The following UTRN variants were observed in gnomAD, a reference collection of about 807,000 sequenced individuals.
UTRN encodes the protein utrophin.
A neutral mutation model predicts 463.9 loss-of-function variants in UTRN; 283 were observed. That is an observed-to-expected ratio of 0.61 (90% CI 0.55 to 0.67). The LOEUF (loss-of-function observed/expected upper bound fraction) is 0.67. UTRN is among the 30% of genes least tolerant of loss of function. UTRN has a pLI of 0.00. For missense variants in UTRN, 3,922 were observed against 4,084.3 expected, an observed-to-expected ratio of 0.96 and a Z score of 1.08; for synonymous variants, 1,442 against 1,431.5, an observed-to-expected ratio of 1.01 and a Z score of -0.17.
At chr6:144,357,116 C>T (rs545909073) in intron 2 of UTRN, among the ~76,000 whole-genome samples, 88 of 152,180 alleles carry the variant, frequency 5.8e-4, no homozygotes, top group African/African-American at 2.0e-3. Context: ...ACTGCAGCCT[C>T]GAGAAAGGTT....
intron 2 of UTRN, among the ~76,000 whole-genome samples, chr6:144,325,542 G>A (rs1488313925): frequency 6.6e-6 from 1 of 152,196 alleles, no homozygotes; most frequent in African/African-American, 2.4e-5. Flanking sequence ...TTCTGTTGCA[G>A]TAGCATAGAA....
At chr6:144,293,614 T>A (rs1804435697) in intron 2 of UTRN, among the ~76,000 whole-genome samples, 1 of 152,106 alleles carries the variant, frequency 6.6e-6, no homozygotes, top group Admixed American at 6.5e-5. Flanking sequence ...ATAGAAAACA[T>A]TGTAAACACC....
At chr6:144,746,474 A>AT (rs1442835917) in intron 54 of UTRN, among the ~76,000 whole-genome samples, 19 of 151,738 alleles carry the variant, frequency 1.3e-4, no homozygotes, top group Admixed American at 6.6e-5. Flanking sequence ...TAATTCACTT[A>AT]TTTTTTTATT....
intron 2 of UTRN, among the ~76,000 whole-genome samples, chr6:144,323,768 A>T (rs913239900): frequency 6.6e-6 from 1 of 152,230 alleles, no homozygotes; most frequent in Non-Finnish European, 1.5e-5. Context: ...GGATTAATCA[A>T]ACTGGCTGTA....
At chr6:144,645,967 G>A (rs1778255643) in intron 51 of UTRN, among the ~76,000 whole-genome samples, 2 of 152,066 alleles carry the variant, frequency 1.3e-5, no homozygotes, top group South Asian at 2.1e-4. Flanking sequence ...ACACTCTAGG[G>A]GTTCATTTCT....
chr6:144,728,584 A>G lies in UTRN; in HGVS notation c.7810-1773A>G, dbSNP rs190680675. Among the ~76,000 whole-genome samples, 89 of 118,310 alleles carry G rather than the reference A, an allele frequency of 7.5e-4. 1 individual carries two copies. Among genetic ancestry groups the G allele is most frequent in the African/African-American group, 2.9e-3 (87 of 30,398 alleles). 77.6% of individuals were successfully genotyped at this position (118,310 alleles called of 152,430 possible). ...TTTGTTATCCCCGCCCCCACCCACCAACATAGTCATTTAATGCTCATCAGT... is the reference window on the plus strand; with the variant it reads ...TTTGTTATCCCCGCCCCCACCCACCGACATAGTCATTTAATGCTCATCAGT... On this transcript the variant is annotated intron_variant, in intron 53 of 74. Transcript: ENST00000367545.
At chr6:144,741,226 G>C (rs1790036059) in intron 54 of UTRN, among the ~76,000 whole-genome samples, 1 of 152,130 alleles carries the variant, frequency 6.6e-6, no homozygotes, top group Admixed American at 6.5e-5. Context: ...TTATAAGAAT[G>C]GCAGAGCATG....
At chr6:144,770,922 G>C (rs1793935814) in intron 58 of UTRN, among the ~76,000 whole-genome samples, 1 of 152,036 alleles carries the variant, frequency 6.6e-6, no homozygotes. Flanking sequence ...AGGAAAGTTC[G>C]ACTCAAGGTA....
intron 51 of UTRN, among the ~76,000 whole-genome samples, chr6:144,627,698 A>AT (rs1776088153): frequency 6.6e-6 from 1 of 151,972 alleles, no homozygotes; most frequent in Non-Finnish European, 1.5e-5. Context: ...TACAAGTGGA[A>AT]TTATACAATA....
At chr6:144,656,496 C>T (rs887866628) in intron 51 of UTRN, among the ~76,000 whole-genome samples, 4 of 152,178 alleles carry the variant, frequency 2.6e-5, no homozygotes, top group African/African-American at 9.7e-5. Context: ...ACTGCAGCTT[C>T]GACCTTCTGG....
At chr6:144,427,192 G>T (rs1785371295) in intron 7 of UTRN, among the ~76,000 whole-genome samples, 1 of 152,038 alleles carries the variant, frequency 6.6e-6, no homozygotes, top group Non-Finnish European at 1.5e-5. Flanking sequence ...TTGGACAATT[G>T]ATTACCCATA....
At chr6:144,301,999 C>T (rs940385604) in intron 2 of UTRN, among the ~76,000 whole-genome samples, 3 of 152,164 alleles carry the variant, frequency 2.0e-5, no homozygotes, top group Non-Finnish European at 4.4e-5. Flanking sequence ...CTCCCTGCGT[C>T]CCCAGTTTTG....
At chr6:144,640,893 T>C (rs2128661325) in intron 51 of UTRN, among the ~76,000 whole-genome samples, 1 of 152,334 alleles carries the variant, frequency 6.6e-6, no homozygotes, top group Admixed American at 6.5e-5. Flanking sequence ...CAGAAGTTCC[T>C]GAACAAAGAA....
intron 2 of UTRN, among the ~76,000 whole-genome samples, chr6:144,383,163 C>T (rs1781085006): frequency 6.6e-6 from 1 of 151,930 alleles, no homozygotes; most frequent in Non-Finnish European, 1.5e-5. Context: ...AACTCCTGGG[C>T]TCAAGTGATC....
Position 144,548,751 on chromosome 6 carries a change from C to G in UTRN, c.6707C>G (p.Thr2236Arg). The part of the protein sequence containing the change: ...SIPADLDKTI[T>R]ELADWLVLID... ...CCTGCTGATCTTGATAAAACTATAACAGAACTAGCCGACTGGCTGGTATTA... is the reference window on the plus strand; with the variant it reads ...CCTGCTGATCTTGATAAAACTATAAGAGAACTAGCCGACTGGCTGGTATTA... Residue 2236 changes from threonine to arginine, a missense_variant, in exon 47 of 75, where the codon ACA becomes AGA. Thr to Arg is a moderately conservative substitution (Grantham distance 71). This residue lies in a region of UTRN where 2,349 missense variants were observed against 2,303.8 expected (regional missense o/e 1.02). Transcript: ENST00000367545. The G allele has an allele frequency of 6.2e-7, 1 of 1,613,996 alleles. No individual in the cohort carries two copies. Among genetic ancestry groups the G allele is most frequent in the South Asian group, 1.1e-5 (1 of 91,076 alleles).
intron 69 of UTRN, among the ~76,000 whole-genome samples, chr6:144,832,346 C>A (rs1403973014): frequency 3.9e-5 from 6 of 152,060 alleles, no homozygotes; most frequent in Non-Finnish European, 1.5e-5. Context: ...CTTCCAGATA[C>A]CATAATGAAA....
chr6:144,334,505 G>A (rs942827592), intron 2 of UTRN, among the ~76,000 whole-genome samples: 1 of 152,056 alleles, frequency 6.6e-6, no homozygotes, highest in African/African-American at 2.4e-5. Context: ...GCGTGGGTTT[G>A]TGCCCGAGTT....
At chr6:144,732,483 G>A (rs1788801775) in intron 54 of UTRN, among the ~76,000 whole-genome samples, 1 of 151,710 alleles carries the variant, frequency 6.6e-6, no homozygotes, top group African/African-American at 2.4e-5. Context: ...GCAACACGTA[G>A]TATTTGCCCA....
chr6:144,848,294 G>A (rs1226032895), intron 74 of UTRN, among the ~76,000 whole-genome samples: 1 of 152,210 alleles, frequency 6.6e-6, no homozygotes, highest in Non-Finnish European at 1.5e-5. Context: ...AGGCCATTCT[G>A]CAGGGTTGTA....
Sources: gnomAD v4.1 joint callset for allele counts (sites outside exome capture counted in the v4.1 genomes callset) on GRCh38, gnomAD v4.1.1 for gene constraint, gnomAD v4.1.1 regional missense constraint, MANE v1.5 for transcripts, NCBI Gene and HGNC (gene_info 2026-07-23, HGNC 2026-07-21) for gene names.